TFEB: variants seen among roughly 807,000 people sequenced by gnomAD.
TFEB encodes the protein transcription factor EB, also known as T-cell transcription factor EB.
Under a neutral mutation model 48.0 loss-of-function variants are expected in TFEB, and 12 were observed. The ratio of observed to expected loss-of-function variants is 0.25; its 90% confidence interval spans 0.16 to 0.40. The LOEUF (loss-of-function observed/expected upper bound fraction) is 0.40. Ranked by LOEUF, TFEB falls within the 10% of genes least tolerant of loss-of-function variation. The pLI is 1.00. For synonymous variants in TFEB, 244 were observed against 261.4 expected, an observed-to-expected ratio of 0.93 and a Z score of 0.64; for missense variants, 509 against 640.3, an observed-to-expected ratio of 0.79 and a Z score of 2.21.
At position 41,727,457 on chromosome 6, in the gene TFEB, G is replaced by A. The variant is rs573083890; in HGVS notation, c.-23+7893C>T. ...TGTAATCTTAACACTTTGGGAGGCC[G>A]AGGCGGCTGGATCACTTGAGCCCAG... On this transcript the variant is annotated intron_variant, in intron 1 of 8. Transcript: ENST00000373033. Among the ~76,000 whole-genome samples the A allele has an allele frequency of 3.3e-5, 5 of 152,284 alleles. No individual in the cohort carries two copies. The South Asian group carries it at 8.3e-4, about 25-fold the overall frequency.
chr6:41,733,693 C>T, intron 1 of TFEB: 2 of 984,184 alleles, frequency 2.0e-6, no homozygotes, highest in Non-Finnish European at 2.4e-6. Context: ...GACCTCAAGG[C>T]AGCTGACCCT....
chr6:41,733,938 G>C, intron 1 of TFEB: 1 of 962,800 alleles, frequency 1.0e-6, no homozygotes, highest in Non-Finnish European at 1.2e-6. Flanking sequence ...ATGGAATCTC[G>C]GCCAGGGCGG....
chr6:41,714,214 C>T (rs369677359), intron 1 of TFEB, among the ~76,000 whole-genome samples: 9 of 151,322 alleles, frequency 5.9e-5, no homozygotes, highest in Non-Finnish European at 8.8e-5. Context: ...CATGTGCGTG[C>T]GTGTCTGTGT....
At chr6:41,735,238 CG>C in intron 1 of TFEB, 111 bp downstream of exon 1, 1 of 937,832 alleles carries the variant, frequency 1.1e-6, no homozygotes, top group African/African-American at 1.8e-5. Flanking sequence ...CCTCTCCTGC[CG>C]GCATCCCCCA....
In TFEB at chr6:41,720,371, AG is replaced by A. The variant is rs1319601355; in HGVS notation, c.-23+14978del. On this transcript the variant is annotated intron_variant, in intron 1 of 8. Transcript: ENST00000373033. This position sits in a 1 kb window ranked among gnomAD's most constrained non-coding sequence, Gnocchi z 4.1. ...TTCTCCTCCCACTGCCCTAGGTCAC[AG>A]GGTAGGGAGGCCAGGGGCTCTCCAG... The A allele has an allele frequency of 2.0e-5, 3 of 152,218 alleles. No individual in the cohort carries two copies. Among genetic ancestry groups the A allele is most frequent in the African/African-American group, 7.2e-5 (3 of 41,444 alleles). The allele number at this position is 152,218 out of a possible 1,614,324, so 9.4% of individuals were successfully genotyped here. A position where few individuals can be genotyped will look rare whatever the true frequency, so the allele number is the denominator to read the frequency against.
intron 7 of TFEB, chr6:41,686,504 C>CT: frequency 1.1e-5 from 3 of 267,232 alleles, no homozygotes; most frequent in Non-Finnish European, 2.0e-5. Context: ...CCCAGCCTAC[C>CT]TTTCTTTTTT....
intron 1 of TFEB, among the ~76,000 whole-genome samples, chr6:41,695,518 G>A (rs1769531459): frequency 6.6e-6 from 1 of 152,118 alleles, no homozygotes; most frequent in Non-Finnish European, 1.5e-5. Context: ...CATTTTTCCT[G>A]GAGGAAACAG....
intron 1 of TFEB, among the ~76,000 whole-genome samples, chr6:41,694,910 C>T (rs73420061): frequency 0.052 from 7,887 of 152,076 alleles, 660 homozygotes; most frequent in African/African-American, 0.18. Flanking sequence ...TTTGATGCCC[C>T]CAGAGAATCC....
At chr6:41,694,292 C>G (rs563557379) in intron 1 of TFEB, among the ~76,000 whole-genome samples, 1 of 152,288 alleles carries the variant, frequency 6.6e-6, no homozygotes, top group South Asian at 2.1e-4. Flanking sequence ...TCTGGGTGAG[C>G]CTCCTGGGAG....
In TFEB at chr6:41,735,511, C is replaced by T. The variant is rs1204154866; in HGVS notation, c.-184G>A. ...CCGCCCCGTCCGCCCTTCCCGCCGC[C>T]GTCGGCGCCGCGGCCGCTCCCTGCG... On this transcript the variant is annotated 5_prime_UTR_variant, in exon 1 of 9. Transcript: ENST00000373033. The T allele has an allele frequency of 1.0e-6, 1 of 984,282 alleles. No homozygotes were observed. Among genetic ancestry groups the T allele is most frequent in the East Asian group, 1.1e-4 (1 of 8,778 alleles). 61.0% of individuals were successfully genotyped at this position (984,282 alleles called of 1,614,324 possible). A position where few individuals can be genotyped will look rare whatever the true frequency, so the allele number is the denominator to read the frequency against.
intron 1 of TFEB, among the ~76,000 whole-genome samples, chr6:41,722,659 A>G (rs1301399602): frequency 6.6e-6 from 1 of 152,250 alleles, no homozygotes; most frequent in Non-Finnish European, 1.5e-5. Flanking sequence ...CAGATGAATC[A>G]CTGGGCACAG....
intron 1 of TFEB, among the ~76,000 whole-genome samples, chr6:41,700,483 A>G (rs77536107): frequency 2.7e-5 from 4 of 147,876 alleles, no homozygotes; most frequent in Non-Finnish European, 3.0e-5. Context: ...AAAAAAAAAA[A>G]AGATCAAGAA....
At chr6:41,722,155 A>G (rs1270063770) in intron 1 of TFEB, among the ~76,000 whole-genome samples, 1 of 151,898 alleles carries the variant, frequency 6.6e-6, no homozygotes. Flanking sequence ...AATTTTTTGT[A>G]TTTTAGTAGG....
At position 41,687,746 on chromosome 6, in the gene TFEB, G is replaced by T. The variant is rs1202953746; in HGVS notation, c.727+7C>A. ...GGAGGCAGGGAGAGGGGCGGGGCAG[G>T]ACTCACTTAAGTTGTGATTGTCTTT... On this transcript the variant is annotated splice_region_variant and intron_variant, in intron 6 of 8. Transcript: ENST00000373033. 6.2e-7 allele frequency: 1 copy of T among 1,613,954 alleles called. No homozygotes were observed. Among genetic ancestry groups the T allele is most frequent in the African/African-American group, 1.3e-5 (1 of 74,938 alleles).
rs1009729806 is a variant in TFEB at position 41,719,161 on chromosome 6, T to C, written c.-23+16189A>G. Among the ~76,000 whole-genome samples the C allele has an allele frequency of 3.3e-5, 5 of 152,292 alleles. No homozygotes were observed. In the South Asian group the frequency reaches 1.0e-3, roughly 32 times the overall value. On this transcript the variant is annotated intron_variant, in intron 1 of 8. Coordinates refer to ENST00000373033, the MANE Select transcript of TFEB (RefSeq NM_001271944.2). ...GTGCATGTGAGGGATCTAGGTTGCA[T>C]GCTCCTTAGGAGAATCTAATGCCTG...
rs1398082905 is a variant in TFEB, at chr6:41,685,083, A to C, written c.952-5T>G. On this transcript the variant is annotated splice_region_variant and splice_polypyrimidine_tract_variant and intron_variant, in intron 8 of 8. Transcript: ENST00000373033. ...TCGAGCCTGCATCTCCAGCTCCTGCAGGGGAGCAGACAGAAGGCTGGGGAA... is the reference window on the plus strand; with the variant it reads ...TCGAGCCTGCATCTCCAGCTCCTGCCGGGGAGCAGACAGAAGGCTGGGGAA... 2 of 1,437,210 alleles carry C rather than the reference A, an allele frequency of 1.4e-6. No homozygotes were observed. Among genetic ancestry groups the C allele is most frequent in the Non-Finnish European group, 1.8e-6 (2 of 1,091,848 alleles). The allele number at this position is 1,437,210 out of a possible 1,614,324, so 89.0% of individuals were successfully genotyped here.
rs1771081903 is a variant in TFEB at position 41,723,630 on chromosome 6, C to T, written c.-23+11720G>A. The stretch of plus-strand genomic sequence containing the variant: ...CACCTCAGCTGGAGAGGAAGTTGCA[C>T]AATCCCCTGGGAGCTGCAAATGCGG... On this transcript the variant is annotated intron_variant, in intron 1 of 8. Coordinates refer to ENST00000373033, the MANE Select transcript of TFEB (RefSeq NM_001271944.2). This position sits in a 1 kb window ranked among gnomAD's most constrained non-coding sequence, Gnocchi z 6.0. 5.8e-6 allele frequency: 6 copies of T among 1,027,370 alleles called. No homozygotes were observed. Among genetic ancestry groups the T allele is most frequent in the Non-Finnish European group, 7.7e-6 (6 of 783,098 alleles). The allele number at this position is 1,027,370 out of a possible 1,614,324, so 63.6% of individuals were successfully genotyped here. A position where few individuals can be genotyped will look rare whatever the true frequency, so the allele number is the denominator to read the frequency against.
At chr6:41,706,467 C>T (rs1303008364) in intron 1 of TFEB, among the ~76,000 whole-genome samples, 4 of 152,106 alleles carry the variant, frequency 2.6e-5, no homozygotes, top group Non-Finnish European at 5.9e-5. Flanking sequence ...CTCTTCTCCC[C>T]TCACAACACA....
chr6:41,689,832 T>C, intron 3 of TFEB, 21 bp from the exon 4 acceptor site: 1 of 1,607,156 alleles, frequency 6.2e-7, no homozygotes. Flanking sequence ...GAAAAGTCCA[T>C]CTGGGGAGGG....
Sources: gnomAD v4.1 joint callset for allele counts (sites outside exome capture counted in the v4.1 genomes callset) on GRCh38, gnomAD v4.1.1 for gene constraint, Gnocchi (gnomAD v3.1) non-coding constraint, MANE v1.5 for transcripts, NCBI Gene and HGNC (gene_info 2026-07-23, HGNC 2026-07-21) for gene names.